The following LPA variants were observed in gnomAD, a reference collection of about 807,000 sequenced individuals.
The protein encoded by LPA is lipoprotein(a).
Under a neutral mutation model 197.9 loss-of-function variants are expected in LPA, and 199 were observed. That is an observed-to-expected ratio of 1.01 (90% CI 0.90 to 1.13). The LOEUF (loss-of-function observed/expected upper bound fraction) is 1.13. Ranked by LOEUF, LPA falls within the 50% of genes most tolerant of loss-of-function variation. The pLI is 0.00. For missense variants in LPA, 1,853 were observed against 1,785.8 expected (o/e 1.04, Z -0.68); for synonymous variants, 715 against 639.5 (o/e 1.12, Z -1.78).
At chr6:160,657,760 G>T (rs1327620954) in intron 1 of LPA, among the ~76,000 whole-genome samples, 3 of 152,102 alleles carry the variant, frequency 2.0e-5, no homozygotes, top group Non-Finnish European at 2.9e-5. Context: ...ACTTAGTAGG[G>T]CCAAACCAAT....
rs1417386783 is a variant in LPA, at chr6:160,654,279, T to C, written c.50-3782A>G. Among the ~76,000 whole-genome samples, 3 of 148,242 alleles carry C rather than the reference T, an allele frequency of 2.0e-5. No homozygotes were observed. The Admixed American group carries it at 2.1e-4, about 10-fold the overall frequency. On this transcript the variant is annotated intron_variant, in intron 1 of 38. Transcript: ENST00000316300. ...GGAAGCATTTGGCACAGGAGAAAGA[T>C]GTAGGCTGGGAAGCTAATTCAGTCT...
At chr6:160,596,958 A>C (rs1444455148) in intron 20 of LPA, among the ~76,000 whole-genome samples, 4 of 152,140 alleles carry the variant, frequency 2.6e-5, no homozygotes, top group Non-Finnish European at 5.9e-5. Context: ...TTTGAAATGC[A>C]CCGTATGACT....
At chr6:160,634,629 G>A (rs1307871694) in intron 7 of LPA, among the ~76,000 whole-genome samples, 2 of 149,588 alleles carry the variant, frequency 1.3e-5, no homozygotes, top group South Asian at 4.3e-4. Flanking sequence ...TTAGAGCATT[G>A]GGAGCTCATA....
At chr6:160,650,668 C>A (rs112416174) in intron 1 of LPA, among the ~76,000 whole-genome samples, 171 bp from the exon 2 acceptor site, 2 of 152,160 alleles carry the variant, frequency 1.3e-5, no homozygotes, top group Non-Finnish European at 2.9e-5. Flanking sequence ...TCATATCATT[C>A]TAGAACTTTA....
Position 160,539,676 on chromosome 6 carries a change from C to T in LPA, c.5735+367G>A, listed in dbSNP as rs183160644. ...TGGCTCGATATGGTGGTTTTTCAAG[C>T]GCTTTGAAATGCAATCTCATTTGAT... On this transcript the variant is annotated intron_variant, in intron 36 of 38. Transcript: ENST00000316300. Among the ~76,000 whole-genome samples the T allele has an allele frequency of 3.7e-3, 556 of 152,046 alleles. 4 individuals are homozygous for T. Among genetic ancestry groups the T allele is most frequent in the African/African-American group, 0.013 (528 of 41,480 alleles).
intron 28 of LPA, among the ~76,000 whole-genome samples, chr6:160,571,412 G>A (rs949478618): frequency 6.6e-6 from 1 of 152,170 alleles, no homozygotes; most frequent in African/African-American, 2.4e-5. Flanking sequence ...CTGTGTTGGG[G>A]GATCTGGTGC....
chr6:160,648,297 T>C (rs1188720357), intron 2 of LPA, among the ~76,000 whole-genome samples: 1 of 152,214 alleles, frequency 6.6e-6, no homozygotes, highest in African/African-American at 2.4e-5. Flanking sequence ...CCTCTGACAG[T>C]TGAACTGCTA....
At position 160,609,966 on chromosome 6, in the gene LPA, G is replaced by C. The variant is rs986876951; in HGVS notation, c.2603+1596C>G. Among the ~76,000 whole-genome samples the C allele has an allele frequency of 1.8e-4, 27 of 152,018 alleles. 1 individual carries two copies. The highest frequency in any genetic ancestry group is 6.5e-4 in the African/African-American group (27 of 41,364). On this transcript the variant is annotated intron_variant, in intron 16 of 38. Transcript: ENST00000316300. ...TTTAAGACATACTTTTTGTATAATAGTTCTTTAATTTGATTTGGCTATTCT... is the reference window on the plus strand; with the variant it reads ...TTTAAGACATACTTTTTGTATAATACTTCTTTAATTTGATTTGGCTATTCT...
intron 27 of LPA, among the ~76,000 whole-genome samples, chr6:160,577,679 C>G (rs1778710308): frequency 6.6e-6 from 1 of 152,168 alleles, no homozygotes; most frequent in Non-Finnish European, 1.5e-5. Flanking sequence ...ACACAAGACC[C>G]TTGCGCATTT....
chr6:160,601,015 T>C lies in LPA; in HGVS notation c.3029A>G (p.Glu1010Gly), dbSNP rs770717883. The C allele has an allele frequency of 1.2e-6, 2 of 1,614,074 alleles. No homozygotes were observed. The highest frequency in any genetic ancestry group is 2.2e-5 in the South Asian group (2 of 91,088). ...CYTTDPSVRW[E>G]YCNLTRCSDA... ...TGAGCATCGTGTCAGGTTGCAGTAC[T>C]CCCACCTGACACTGGGATCTGTTGT... Residue 1010 changes from glutamate (E) to glycine (G), a missense_variant, in exon 19 of 39, where the codon GAG (glutamate) becomes GGG (glycine). Transcript: ENST00000316300.
At chr6:160,563,740 G>A (rs1051470773) in intron 28 of LPA, among the ~76,000 whole-genome samples, 1 of 152,064 alleles carries the variant, frequency 6.6e-6, no homozygotes, top group Non-Finnish European at 1.5e-5. Context: ...TATTAATCTG[G>A]GTGCTCCTGT....
chr6:160,532,759 G>T, intron 37 of LPA, 110 bp from the exon 38 acceptor site: 1 of 783,226 alleles, frequency 1.3e-6, no homozygotes. Context: ...CCGTGAGGCT[G>T]CAGAACACAA....
intron 28 of LPA, among the ~76,000 whole-genome samples, chr6:160,575,804 G>A (rs923731384): frequency 2.6e-5 from 4 of 152,048 alleles, no homozygotes; most frequent in Admixed American, 6.6e-5. Flanking sequence ...TACTTTCATT[G>A]TGGAATCACT....
chr6:160,586,616 T>G lies in LPA; in HGVS notation c.3962A>C (p.Asn1321Thr). Residue 1321 changes from asparagine to threonine, a missense_variant, in exon 25 of 39, where the codon AAC becomes ACC. Coordinates refer to ENST00000316300, the MANE Select transcript of LPA (RefSeq NM_005577.4). ...CTCAGCATCTGGATTCCTGCAGTAG[T>G]TCCTGGTCAGGCCACTGCAAATTCC... Reference protein sequence around the residue: ...EYYPNGGLTRNYCRNPDAEIR... With the variant: ...EYYPNGGLTRTYCRNPDAEIR... 2 of 1,613,688 alleles carry G rather than the reference T, an allele frequency of 1.2e-6. No individual in the cohort carries two copies. Among genetic ancestry groups the G allele is most frequent in the South Asian group, 1.1e-5 (1 of 91,076 alleles).
intron 28 of LPA, among the ~76,000 whole-genome samples, chr6:160,563,688 G>T (rs907577278): frequency 1.3e-5 from 2 of 152,174 alleles, no homozygotes; most frequent in Non-Finnish European, 2.9e-5. Context: ...CTATTTTTGT[G>T]TGGAAGTCTA....
At chr6:160,590,839 A>T (rs1282650945) in intron 23 of LPA, 105 bp downstream of exon 23, 1 of 1,484,368 alleles carries the variant, frequency 6.7e-7, no homozygotes, top group Admixed American at 1.8e-5. Context: ...CTGAGTCCAC[A>T]TTCAGATTCC....
rs778150854 is a variant in LPA at position 160,589,720 on chromosome 6, TCAAAGAGGAGAAAA to T, written c.3788-22_3788-9del. ...GGCTTTGCTCCGTTGGTGCTGAAATTCAAAGAGGAGAAAACAAACTGAGTAATTTCCAGAACACA... is the reference window on the plus strand; with the variant it reads ...GGCTTTGCTCCGTTGGTGCTGAAATTCAAACTGAGTAATTTCCAGAACACA... On this transcript the variant is annotated splice_polypyrimidine_tract_variant and intron_variant, in intron 23 of 38. Transcript: ENST00000316300. The T allele has an allele frequency of 1.2e-6, 2 of 1,613,680 alleles. No homozygotes were observed. Among genetic ancestry groups the T allele is most frequent in the South Asian group, 2.2e-5 (2 of 91,078 alleles).
chr6:160,657,758 G>C (rs1431024585), intron 1 of LPA, among the ~76,000 whole-genome samples: 1 of 152,074 alleles, frequency 6.6e-6, no homozygotes, highest in Non-Finnish European at 1.5e-5. Context: ...CTACTTAGTA[G>C]GGCCAAACCA....
intron 22 of LPA, among the ~76,000 whole-genome samples, chr6:160,593,576 G>T (rs570090062): frequency 1.3e-5 from 2 of 152,300 alleles, no homozygotes; most frequent in South Asian, 4.1e-4. Context: ...TGCCCAAGAT[G>T]AACATGGCTA....
Sources: gnomAD v4.1 joint callset for allele counts (sites outside exome capture counted in the v4.1 genomes callset) on GRCh38, gnomAD v4.1.1 for gene constraint, MANE v1.5 for transcripts, NCBI Gene and HGNC (gene_info 2026-07-23, HGNC 2026-07-21) for gene names.